Variants in DNPH1 observed in about 807,000 individuals in gnomAD.
DNPH1 encodes the protein 2'-deoxynucleoside 5'-phosphate N-hydrolase 1.
DNPH1 carries 18 observed loss-of-function variants against 15.7 expected under a neutral mutation model. That is an observed-to-expected ratio of 1.15 (90% confidence interval 0.79 to 1.70). DNPH1 has a LOEUF of 1.70. Ranked by LOEUF, DNPH1 falls within the 40% of genes most tolerant of loss-of-function variation. DNPH1 has a pLI of 0.00. For synonymous variants in DNPH1, 114 were observed against 107.9 expected, an observed-to-expected ratio of 1.06 and a Z score of -0.35; for missense variants, 262 against 255.2, an observed-to-expected ratio of 1.03 and a Z score of -0.18.
rs1776738918 is a variant in DNPH1 at position 43,226,322 on chromosome 6, C to G, written c.265+5G>C. ...TAGGTGCTGGAAGGAGGGAGCGCCACTCACCGTCCGCCTGCTGCAGCCACT... is the reference window on the plus strand; with the variant it reads ...TAGGTGCTGGAAGGAGGGAGCGCCAGTCACCGTCCGCCTGCTGCAGCCACT... On this transcript the variant is annotated splice_donor_5th_base_variant and intron_variant, in intron 2 of 3. Coordinates refer to ENST00000230431, the MANE Select transcript of DNPH1 (RefSeq NM_006443.3). The surrounding 1 kb of genome is among the most constrained non-coding windows in gnomAD (Gnocchi z 4.1). 1 of 1,611,840 alleles carries G rather than the reference C, an allele frequency of 6.2e-7. No homozygotes were observed. The highest frequency in any genetic ancestry group is 1.3e-5 in the African/African-American group (1 of 74,928).
At chr6:43,227,647 T>C (rs570389273) in intron 1 of DNPH1, among the ~76,000 whole-genome samples, 2 of 152,120 alleles carry the variant, frequency 1.3e-5, no homozygotes, top group East Asian at 3.9e-4. Context: ...CTCCCAGAAT[T>C]GCATGAGGTC....
In DNPH1 at chr6:43,226,327, C is replaced by G. The variant is rs753238110; in HGVS notation, c.265G>C (p.Val89Leu). 6.2e-7 allele frequency: 1 copy of G among 1,611,994 alleles called. No homozygotes were observed. Among genetic ancestry groups the G allele is most frequent in the African/African-American group, 1.3e-5 (1 of 74,904 alleles). Reference sequence around the variant, plus strand: ...GCTGGAAGGAGGGAGCGCCACTCACCGTCCGCCTGCTGCAGCCACTCCAGG... The same window carrying G: ...GCTGGAAGGAGGGAGCGCCACTCACGGTCCGCCTGCTGCAGCCACTCCAGG... ...QDLEWLQQAD[V>L]VVAEVTQPSL... Residue 89 changes from valine to leucine, a missense_variant and splice_region_variant, in exon 2 of 4, where the codon GTG (valine) becomes CTG (leucine). Val to Leu is a conservative substitution (Grantham distance 32). Coordinates refer to ENST00000230431, the MANE Select transcript of DNPH1 (RefSeq NM_006443.3). The surrounding 1 kb of genome is among the most constrained non-coding windows in gnomAD (Gnocchi z 4.1).
rs1294487223 is a variant in DNPH1, at chr6:43,226,896, C to G, written c.197-501G>C. 6.7e-6 allele frequency among the ~76,000 whole-genome samples: 1 copy of G among 149,178 alleles called. No homozygotes were observed. Among genetic ancestry groups the G allele is most frequent in the East Asian group, 2.0e-4 (1 of 4,912 alleles). On this transcript the variant is annotated intron_variant, in intron 1 of 3. Transcript: ENST00000230431. The surrounding 1 kb of genome is among the most constrained non-coding windows in gnomAD (Gnocchi z 4.1). ...CTGGGGCGGGTGGATCACTTGAGGT[C>G]AGGAGTTCAAAACCAGCCTGGCCAA...
rs200390207 is a variant in DNPH1 at position 43,225,946 on chromosome 6, G to A, written c.377-65C>T. 1.2e-3 allele frequency: 1,985 copies of A among 1,613,688 alleles called. 12 individuals are homozygous for A. Among genetic ancestry groups the A allele is most frequent in the South Asian group, 9.9e-3 (905 of 91,062 alleles). On this transcript the variant is annotated intron_variant, in intron 3 of 3. Coordinates refer to ENST00000230431, the MANE Select transcript of DNPH1 (RefSeq NM_006443.3). Reference sequence around the variant, plus strand: ...CACCCTCACAGCTCCCTTACCCCTTGGGAGAGGCGCGGTGCTCAGAGCCCA... The same window carrying A: ...CACCCTCACAGCTCCCTTACCCCTTAGGAGAGGCGCGGTGCTCAGAGCCCA...
Position 43,226,313 on chromosome 6 carries a change from G to T in DNPH1, c.265+14C>A, listed in dbSNP as rs767235252. The T allele has an allele frequency of 6.2e-7, 1 of 1,611,318 alleles. No homozygotes were observed. The highest frequency in any genetic ancestry group is 1.1e-5 in the South Asian group (1 of 90,926). ...CAGAGGAGTTAGGTGCTGGAAGGAGGGAGCGCCACTCACCGTCCGCCTGCT... is the reference window on the plus strand; with the variant it reads ...CAGAGGAGTTAGGTGCTGGAAGGAGTGAGCGCCACTCACCGTCCGCCTGCT... On this transcript the variant is annotated intron_variant, in intron 2 of 3. Transcript: ENST00000230431. The surrounding 1 kb of genome is among the most constrained non-coding windows in gnomAD (Gnocchi z 4.1).
At chr6:43,229,209 C>G in intron 1 of DNPH1, 52 bp downstream of exon 1, 3 of 1,293,312 alleles carry the variant, frequency 2.3e-6, no homozygotes, top group Non-Finnish European at 2.9e-6. Context: ...TCCCTGCCAC[C>G]CCAGCCAGGT....
chr6:43,229,400 G>C lies in DNPH1; in HGVS notation c.57C>G (p.Gly19=). Residue 19 remains glycine (G), a synonymous_variant, in exon 1 of 4, where the codon GGC becomes GGG. Coordinates refer to ENST00000230431, the MANE Select transcript of DNPH1 (RefSeq NM_006443.3). ...TCCCGCAGAAGTACAGGGCCGGGCG[G>C]CCAGGCTCCCCGCGCTCCCAGCTCT... The part of the protein sequence containing the change: ...RSESWERGEP[G]RPALYFCGSI... The C allele has an allele frequency of 6.9e-7, 1 of 1,438,902 alleles. No homozygotes were observed. The highest frequency in any genetic ancestry group is 9.2e-7 in the Non-Finnish European group (1 of 1,092,802). 89.1% of individuals were successfully genotyped at this position (1,438,902 alleles called of 1,614,324 possible).
chr6:43,227,118 G>A (rs2150669352), intron 1 of DNPH1, among the ~76,000 whole-genome samples: 1 of 133,624 alleles, frequency 7.5e-6, no homozygotes, highest in East Asian at 2.4e-4. Context: ...AAAAAAACAA[G>A]AAAAAGTACA....
chr6:43,225,898 A>C lies in DNPH1; in HGVS notation c.377-17T>G. 3.1e-6 allele frequency: 5 copies of C among 1,614,102 alleles called. No homozygotes were observed. Among genetic ancestry groups the C allele is most frequent in the Non-Finnish European group, 4.2e-6 (5 of 1,180,018 alleles). Reference sequence around the variant, plus strand: ...CCGAAAGCACTGGAAAGGGCAGGGAAAGGTGAAGCTGCCTCCCATCCACAC... The same window carrying C: ...CCGAAAGCACTGGAAAGGGCAGGGACAGGTGAAGCTGCCTCCCATCCACAC... On this transcript the variant is annotated splice_polypyrimidine_tract_variant and intron_variant, in intron 3 of 3. Transcript: ENST00000230431.
In DNPH1 at chr6:43,226,041, G is replaced by T. The variant is rs1776726499; in HGVS notation, c.368C>A (p.Ser123Tyr). 1 of 1,613,720 alleles carries T rather than the reference G, an allele frequency of 6.2e-7. No individual in the cohort carries two copies. The highest frequency in any genetic ancestry group is 8.5e-7 in the Non-Finnish European group (1 of 1,179,946). Reference protein sequence around the residue: ...KRILCLFRPQSGRVLSAMIRG... With the variant: ...KRILCLFRPQYGRVLSAMIRG... ...AGGCTTGGGGTGCTCACCGCGGCCA[G>T]ACTGCGGGCGGAACAGGCACAGGAT... The change falls in exon 3 of 4, where the codon TCT (serine) becomes TAT (tyrosine). Residue 123 changes from serine (S) to tyrosine (Y), a missense_variant. Ser to Tyr is a moderately radical substitution (Grantham distance 144). Coordinates refer to ENST00000230431, the MANE Select transcript of DNPH1 (RefSeq NM_006443.3). The surrounding 1 kb of genome is among the most constrained non-coding windows in gnomAD (Gnocchi z 4.1).
At position 43,226,091 on chromosome 6, in the gene DNPH1, G is replaced by A. The variant is rs1356958469; in HGVS notation, c.318C>T (p.Gly106=). Residue 106 remains glycine, a synonymous_variant, in exon 3 of 4, where the codon GGC becomes GGT. Coordinates refer to ENST00000230431, the MANE Select transcript of DNPH1 (RefSeq NM_006443.3). This position sits in a 1 kb window ranked among gnomAD's most constrained non-coding sequence, Gnocchi z 4.1. ...QPSLGVGYEL[G]RAVAFNKRIL... Reference sequence around the variant, plus strand: ...TCCGCTTGTTAAAGGCCACGGCCCGGCCCAGCTCATAGCCTACACCCAAGG... The same window carrying A: ...TCCGCTTGTTAAAGGCCACGGCCCGACCCAGCTCATAGCCTACACCCAAGG... The A allele has an allele frequency of 6.2e-7, 1 of 1,613,578 alleles. No homozygotes were observed. The highest frequency in any genetic ancestry group is 8.5e-7 in the Non-Finnish European group (1 of 1,180,008).
rs1776725134 is a variant in DNPH1 at position 43,226,006 on chromosome 6, G to A, written c.376+27C>T. ...GAGCTGAGGGCTGGGTCCATAGAAA[G>A]CCAGGAGGGAGGCTTGGGGTGCTCA... On this transcript the variant is annotated intron_variant, in intron 3 of 3. Transcript: ENST00000230431. The surrounding 1 kb of genome is among the most constrained non-coding windows in gnomAD (Gnocchi z 4.1). The A allele has an allele frequency of 6.2e-7, 1 of 1,613,666 alleles. No individual in the cohort carries two copies. The highest frequency in any genetic ancestry group is 8.5e-7 in the Non-Finnish European group (1 of 1,179,794).
chr6:43,226,011 G>A lies in DNPH1; in HGVS notation c.376+22C>T. The A allele has an allele frequency of 6.2e-7, 1 of 1,613,770 alleles. No homozygotes were observed. The highest frequency in any genetic ancestry group is 8.5e-7 in the Non-Finnish European group (1 of 1,179,864). The stretch of plus-strand genomic sequence containing the variant: ...GAGGGCTGGGTCCATAGAAAGCCAG[G>A]AGGGAGGCTTGGGGTGCTCACCGCG... On this transcript the variant is annotated intron_variant, in intron 3 of 3. Transcript: ENST00000230431. The surrounding 1 kb of genome is among the most constrained non-coding windows in gnomAD (Gnocchi z 4.1).
rs767195544 is a variant in DNPH1, at chr6:43,226,195, TAAGG to T, written c.266-56_266-53del. ...CAGCATTGGGGGCACTTGAGGTTCA[TAAGG>T]AAGACGACGGTGTGGCTGTGGTGAG... On this transcript the variant is annotated intron_variant, in intron 2 of 3. Transcript: ENST00000230431. This position sits in a 1 kb window ranked among gnomAD's most constrained non-coding sequence, Gnocchi z 4.1. The T allele has an allele frequency of 1.9e-6, 3 of 1,608,538 alleles. No homozygotes were observed. The highest frequency in any genetic ancestry group is 1.3e-5 in the African/African-American group (1 of 74,826).
rs528302008 is a variant in DNPH1, at chr6:43,228,077, C to G, written c.196+1184G>C. On this transcript the variant is annotated intron_variant, in intron 1 of 3. Coordinates refer to ENST00000230431, the MANE Select transcript of DNPH1 (RefSeq NM_006443.3). ...CTGCACTCCAGCATGGGTAATAGAA[C>G]AAGACTGTTTCCAAATAAATAACTA... Among the ~76,000 whole-genome samples, 329 of 151,740 alleles carry G rather than the reference C, an allele frequency of 2.2e-3. 1 individual carries two copies. Among genetic ancestry groups the G allele is most frequent in the African/African-American group, 7.5e-3 (309 of 41,342 alleles).
Position 43,226,067 on chromosome 6 carries a change from C to G in DNPH1, c.342G>C (p.Arg114=). The G allele has an allele frequency of 6.2e-7, 1 of 1,613,812 alleles. No homozygotes were observed. Among genetic ancestry groups the G allele is most frequent in the East Asian group, 2.2e-5 (1 of 44,890 alleles). ...ELGRAVAFNK[R]ILCLFRPQSG... ...ACTGCGGGCGGAACAGGCACAGGATCCGCTTGTTAAAGGCCACGGCCCGGC... is the reference window on the plus strand; with the variant it reads ...ACTGCGGGCGGAACAGGCACAGGATGCGCTTGTTAAAGGCCACGGCCCGGC... The change falls in exon 3 of 4, where the codon CGG becomes CGC. Residue 114 remains arginine (R), a synonymous_variant. Transcript: ENST00000230431. This position sits in a 1 kb window ranked among gnomAD's most constrained non-coding sequence, Gnocchi z 4.1.
chr6:43,229,284 G>T lies in DNPH1; in HGVS notation c.173C>A (p.Ala58Glu), dbSNP rs1178260583. Residue 58 changes from alanine to glutamate, a missense_variant, in exon 1 of 4, where the codon GCG becomes GAG. Ala to Glu is a moderately radical substitution (Grantham distance 107, BLOSUM62 -1). Transcript: ENST00000230431. The stretch of plus-strand genomic sequence containing the variant: ...ACCGCGCGCGCCCAGCTCGGCGGCC[G>T]CCACGTGCTCGGTGAGCACTGTCCC... ...RFGTVLTEHV[A>E]AAELGARGEE... 8 of 1,438,310 alleles carry T rather than the reference G, an allele frequency of 5.6e-6. No homozygotes were observed. In the East Asian group the frequency reaches 1.8e-4, roughly 33 times the overall value. 89.1% of individuals were successfully genotyped at this position (1,438,310 alleles called of 1,614,324 possible).
chr6:43,228,826 AAAAAC>A (rs765662477), intron 1 of DNPH1, among the ~76,000 whole-genome samples: 6 of 152,238 alleles, frequency 3.9e-5, no homozygotes, highest in South Asian at 2.1e-4. Context: ...ATTCCGTTTC[AAAAAC>A]AAAACAAAAC....
rs753774319 is a variant in DNPH1, at chr6:43,226,007, C to G, written c.376+26G>C. The G allele has an allele frequency of 3.1e-6, 5 of 1,613,428 alleles. No homozygotes were observed. In the South Asian group the frequency reaches 5.5e-5, roughly 18 times the overall value. ...AGCTGAGGGCTGGGTCCATAGAAAGCCAGGAGGGAGGCTTGGGGTGCTCAC... is the reference window on the plus strand; with the variant it reads ...AGCTGAGGGCTGGGTCCATAGAAAGGCAGGAGGGAGGCTTGGGGTGCTCAC... On this transcript the variant is annotated intron_variant, in intron 3 of 3. Coordinates refer to ENST00000230431, the MANE Select transcript of DNPH1 (RefSeq NM_006443.3). The surrounding 1 kb of genome is among the most constrained non-coding windows in gnomAD (Gnocchi z 4.1).
Sources: allele counts gnomAD v4.1 joint callset (sites outside exome capture counted in the v4.1 genomes callset), GRCh38; gene constraint gnomAD v4.1.1; non-coding constraint Gnocchi (gnomAD v3.1); transcripts MANE v1.5; gene names NCBI Gene and HGNC (gene_info 2026-07-23, HGNC 2026-07-21).